The following NRXN3 variants were observed in gnomAD, a reference collection of about 807,000 sequenced individuals.
NRXN3 encodes neurexin 3.
Under a neutral mutation model 137.6 loss-of-function variants are expected in NRXN3, and 32 were observed. The ratio of observed to expected loss-of-function variants is 0.23; its 90% CI spans 0.18 to 0.31. The LOEUF is 0.31. NRXN3 is among the 10% of genes least tolerant of loss of function. The probability of loss-of-function intolerance (pLI) is 1.00; values close to 1 mark genes in which losing one functional copy is unlikely to be tolerated. For synonymous variants in NRXN3, 798 were observed against 784.5 expected (o/e 1.02, Z -0.29); for missense variants, 1,574 against 2,062.5 (o/e 0.76, Z 4.59).
At chr14:79,537,247 C>A (rs1282719754) in intron 16 of NRXN3, among the ~76,000 whole-genome samples, 1 of 151,832 alleles carries the variant, frequency 6.6e-6, no homozygotes, top group Non-Finnish European at 1.5e-5. Context: ...TTGTCGGCTG[C>A]ATAAATGTTT....
intron 15 of NRXN3, among the ~76,000 whole-genome samples, chr14:79,186,015 T>TGACC (rs1266955124): frequency 6.6e-6 from 1 of 152,214 alleles, no homozygotes; most frequent in Non-Finnish European, 1.5e-5. Flanking sequence ...ACTGTCTGTC[T>TGACC]GACCTTGAGA....
In NRXN3 at chr14:79,861,937, A is replaced by G; in HGVS notation, c.4689A>G (p.Lys1563=). 1.2e-6 allele frequency: 2 copies of G among 1,613,566 alleles called. No homozygotes were observed. Among genetic ancestry groups the G allele is most frequent in the East Asian group, 4.5e-5 (2 of 44,874 alleles). The change falls in exon 21 of 21, where the codon AAA becomes AAG. Residue 1563 remains lysine, a synonymous_variant. Transcript: ENST00000335750. This position sits in a 1 kb window ranked among gnomAD's most constrained non-coding sequence, Gnocchi z 5.4. ...CGAAGAGCGGCCACAAGAAACAGAA[A>G]AACAAGGACAGGGAGTATTACGTGT... ...QSSKSGHKKQ[K]NKDREYYV
At chr14:78,436,620 GA>G (rs2094075701) in intron 4 of NRXN3, among the ~76,000 whole-genome samples, 1 of 152,232 alleles carries the variant, frequency 6.6e-6, no homozygotes, top group African/African-American at 2.4e-5. Flanking sequence ...TTGAGCACTT[GA>G]AATGTGGCTC....
At chr14:78,630,597 C>CTTTTTTTTTTTT (rs370862037) in intron 4 of NRXN3, among the ~76,000 whole-genome samples, 29 of 127,834 alleles carry the variant, frequency 2.3e-4, no homozygotes, top group Middle Eastern at 4.4e-3. Context: ...TTCTTTCTTT[C>CTTTTTTTTTTTT]TTTTTTTTTT....
At chr14:79,094,977 A>AGTGTGTGTGTGTGTGT (rs1409965478) in intron 15 of NRXN3, among the ~76,000 whole-genome samples, 4 of 99,614 alleles carry the variant, frequency 4.0e-5, no homozygotes, top group African/African-American at 1.3e-4. Flanking sequence ...AGAGAGAGAG[A>AGTGTGTGTGTGTGTGT]GAGTGTGTGT....
intron 15 of NRXN3, among the ~76,000 whole-genome samples, chr14:79,133,976 A>G (rs1260639582): frequency 2.0e-5 from 3 of 151,798 alleles, no homozygotes; most frequent in Admixed American, 6.6e-5. Context: ...AACTGAACAA[A>G]TACGTTATTT....
At chr14:78,550,359 C>T (rs1258943812) in intron 4 of NRXN3, among the ~76,000 whole-genome samples, 2 of 152,122 alleles carry the variant, frequency 1.3e-5, no homozygotes, top group Non-Finnish European at 2.9e-5. Flanking sequence ...TTCTATGACC[C>T]TTTCTTTCTC....
intron 10 of NRXN3, among the ~76,000 whole-genome samples, chr14:78,887,994 T>C (rs997364714): frequency 6.6e-6 from 1 of 152,080 alleles, no homozygotes; most frequent in African/African-American, 2.4e-5. Flanking sequence ...TATTAAATCA[T>C]CTGGGTATGA....
At chr14:78,957,922 C>T (rs1176704891) in intron 11 of NRXN3, among the ~76,000 whole-genome samples, 1 of 152,144 alleles carries the variant, frequency 6.6e-6, no homozygotes, top group Admixed American at 6.5e-5. Flanking sequence ...CAGTGGTGAA[C>T]AAACAAGCAA....
intron 6 of NRXN3, among the ~76,000 whole-genome samples, chr14:78,680,454 C>T (rs566898505): frequency 3.4e-4 from 51 of 152,158 alleles, no homozygotes; most frequent in South Asian, 1.9e-3. Context: ...AAATAAGAGA[C>T]GACAGGTTCT....
chr14:79,735,459 C>A (rs1055867604), intron 19 of NRXN3, among the ~76,000 whole-genome samples: 1 of 152,126 alleles, frequency 6.6e-6, no homozygotes, highest in African/African-American at 2.4e-5. Context: ...CCGGGGTTGA[C>A]ATTAGCTTGA....
At chr14:78,920,211 C>T (rs943327153) in intron 10 of NRXN3, among the ~76,000 whole-genome samples, 1 of 152,104 alleles carries the variant, frequency 6.6e-6, no homozygotes, top group East Asian at 1.9e-4. Context: ...TAGAGCCTGG[C>T]CTGCCACAGT....
chr14:78,319,857 C>CAAAGGAGA (rs2079124939), intron 4 of NRXN3, among the ~76,000 whole-genome samples: 1 of 152,202 alleles, frequency 6.6e-6, no homozygotes, highest in Non-Finnish European at 1.5e-5. Flanking sequence ...TAAACAAAAA[C>CAAAGGAGA]AAAGGAGAAA....
intron 2 of NRXN3, among the ~76,000 whole-genome samples, chr14:78,266,857 G>A (rs894113401): frequency 2.0e-5 from 3 of 152,138 alleles, no homozygotes; most frequent in Admixed American, 6.5e-5. Context: ...AAGGAAAGCT[G>A]AAAAGCTGCC....
intron 19 of NRXN3, among the ~76,000 whole-genome samples, chr14:79,779,857 T>A (rs2099108427): frequency 1.3e-5 from 2 of 152,126 alleles, no homozygotes. Flanking sequence ...CAGTTGAGGC[T>A]CCTCTGTAAT....
chr14:78,387,312 T>C (rs1294252281), intron 4 of NRXN3, among the ~76,000 whole-genome samples: 2 of 152,192 alleles, frequency 1.3e-5, no homozygotes, highest in South Asian at 4.1e-4. Flanking sequence ...TGATTTCTTT[T>C]TTGAGTTATG....
chr14:79,274,256 T>G (rs2079911172), intron 15 of NRXN3, among the ~76,000 whole-genome samples: 1 of 152,130 alleles, frequency 6.6e-6, no homozygotes, highest in Non-Finnish European at 1.5e-5. Context: ...GAGCCCAGTC[T>G]GTCTCTCTCA....
At chr14:79,317,566 T>TG (rs1392934202) in intron 15 of NRXN3, among the ~76,000 whole-genome samples, 11 of 152,076 alleles carry the variant, frequency 7.2e-5, no homozygotes, top group Non-Finnish European at 1.0e-4. Flanking sequence ...TCCGAGGTAC[T>TG]GGGGGGTTAG....
chr14:78,660,253 T>TTATATATATATATATATATATATATATA (rs373491178), intron 6 of NRXN3, among the ~76,000 whole-genome samples: 36 of 139,692 alleles, frequency 2.6e-4, no homozygotes, highest in East Asian at 8.7e-4. Flanking sequence ...AGAAGTAGAT[T>TTATATATATATATATATATATATATATA]TATATATATA....
Sources: gnomAD v4.1 joint callset for allele counts (sites outside exome capture counted in the v4.1 genomes callset) on GRCh38, gnomAD v4.1.1 for gene constraint, Gnocchi (gnomAD v3.1) non-coding constraint, MANE v1.5 for transcripts, NCBI Gene and HGNC (gene_info 2026-07-23, HGNC 2026-07-21) for gene names.